Variants in MAPKAPK2 observed in about 807,000 individuals in gnomAD.
MAPKAPK2 encodes MAP kinase-activated protein kinase 2.
Under a neutral mutation model 48.8 loss-of-function variants are expected in MAPKAPK2, and 9 were observed. The observed-to-expected ratio is 0.18, with a 90% CI of 0.11 to 0.32. The LOEUF is 0.32. Ranked by LOEUF, MAPKAPK2 falls within the 10% of genes least tolerant of loss-of-function variation. The pLI, the probability that MAPKAPK2 is intolerant of heterozygous loss-of-function variation, is 1.00. For synonymous variants in MAPKAPK2, 202 were observed against 190.6 expected (o/e 1.06, Z -0.49); for missense variants, 331 against 498.3 (o/e 0.66, Z 3.20).
At position 206,704,551 on chromosome 1, in the gene MAPKAPK2, TTGA is replaced by T. The variant is rs1553428312; in HGVS notation, c.279+19047_279+19049del. ...CCTGAGGTCCAGGGTCGGGGAGGAC[TTGA>T]TGAGGGAATAAAACCAGCCGGCTCA... On this transcript the variant is annotated intron_variant, in intron 1 of 9. Transcript: ENST00000367103. This position sits in a 1 kb window ranked among gnomAD's most constrained non-coding sequence, Gnocchi z 4.3. Among the ~76,000 whole-genome samples the T allele has an allele frequency of 6.6e-6, 1 of 152,190 alleles. No individual in the cohort carries two copies. Among genetic ancestry groups the T allele is most frequent in the Admixed American group, 6.5e-5 (1 of 15,290 alleles).
chr1:206,727,758 G>T (rs530896038), intron 1 of MAPKAPK2, among the ~76,000 whole-genome samples: 2 of 152,230 alleles, frequency 1.3e-5, no homozygotes, highest in East Asian at 3.9e-4. Context: ...AGTAGCTGGG[G>T]CTACAGTCGC....
chr1:206,708,338 A>G (rs1168048234), intron 1 of MAPKAPK2, among the ~76,000 whole-genome samples: 1 of 152,158 alleles, frequency 6.6e-6, no homozygotes, highest in Non-Finnish European at 1.5e-5. Flanking sequence ...TCCTCCTCAC[A>G]ACTTTTTATT....
chr1:206,712,897 TGGA>T (rs1673199975), intron 1 of MAPKAPK2, among the ~76,000 whole-genome samples: 1 of 145,900 alleles, frequency 6.9e-6, no homozygotes, highest in South Asian at 2.2e-4. Context: ...ACCCGGGAGG[TGGA>T]GATTTCAGTG....
chr1:206,701,979 C>T (rs1204559343), intron 1 of MAPKAPK2, among the ~76,000 whole-genome samples: 2 of 152,076 alleles, frequency 1.3e-5, no homozygotes, highest in Admixed American at 1.3e-4. Flanking sequence ...TTCCTGGGCA[C>T]CACTCTTTGT....
intron 1 of MAPKAPK2, among the ~76,000 whole-genome samples, 185 bp downstream of exon 1, chr1:206,685,693 C>T (rs1247668963): frequency 6.7e-6 from 1 of 149,338 alleles, no homozygotes; most frequent in African/African-American, 2.4e-5. Flanking sequence ...GCGCCCTCGC[C>T]TCCCTGACCG....
In MAPKAPK2 at chr1:206,729,368, C is replaced by T. The variant is rs542438921; in HGVS notation, c.485-28C>T. 35 of 1,576,372 alleles carry T rather than the reference C, an allele frequency of 2.2e-5. No individual in the cohort carries two copies. In the African/African-American group the frequency reaches 4.0e-4, roughly 18 times the overall value. ...ATGATGTGTCTTTGTGACTTTCTTTCCCACTCACTCTTCCCTCCCCTCTAC... is the reference window on the plus strand; with the variant it reads ...ATGATGTGTCTTTGTGACTTTCTTTTCCACTCACTCTTCCCTCCCCTCTAC... On this transcript the variant is annotated intron_variant, in intron 3 of 9. Transcript: ENST00000367103.
chr1:206,689,539 T>G (rs1335948663), intron 1 of MAPKAPK2, among the ~76,000 whole-genome samples: 2 of 152,200 alleles, frequency 1.3e-5, no homozygotes, highest in African/African-American at 4.8e-5. Flanking sequence ...TTATATGCAA[T>G]ATGGTTACAG....
At chr1:206,698,616 T>A (rs1672703178) in intron 1 of MAPKAPK2, among the ~76,000 whole-genome samples, 1 of 152,232 alleles carries the variant, frequency 6.6e-6, no homozygotes, top group Non-Finnish European at 1.5e-5. Context: ...GCAGATACTA[T>A]GTATCAGGCA....
chr1:206,705,880 TGACTGGGAGGCTTTACTG>T (rs1435591403), intron 1 of MAPKAPK2, among the ~76,000 whole-genome samples: 3 of 152,098 alleles, frequency 2.0e-5, no homozygotes, highest in African/African-American at 7.2e-5. Context: ...TCCTGAGAAA[TGACTGGGAGGCTTTACTG>T]GATTTTTCGC....
intron 1 of MAPKAPK2, 137 bp from the exon 2 acceptor site, chr1:206,728,573 C>A: frequency 1.1e-6 from 1 of 921,418 alleles, no homozygotes; most frequent in Non-Finnish European, 1.6e-6. Context: ...GGAAATGTGC[C>A]AAGGGGGCTG....
In MAPKAPK2 at chr1:206,731,691, C is replaced by A. The variant is rs1673917289; in HGVS notation, c.944C>A (p.Thr315Asn). The A allele has an allele frequency of 6.2e-7, 1 of 1,614,152 alleles. No individual in the cohort carries two copies. Among genetic ancestry groups the A allele is most frequent in the Admixed American group, 1.7e-5 (1 of 60,022 alleles). ...AAAACAGAGCCCACCCAGAGAATGA[C>A]CATCACCGAGTTTATGAACCACCCT... ...LLKTEPTQRMTITEFMNHPWI... is the reference protein window; with the variant it reads ...LLKTEPTQRMNITEFMNHPWI... Residue 315 changes from threonine to asparagine, a missense_variant, in exon 8 of 10, where the codon ACC (threonine) becomes AAC (asparagine). By Grantham distance (65) the Thr-to-Asn change is moderately conservative. Transcript: ENST00000367103. The surrounding 1 kb of genome is among the most constrained non-coding windows in gnomAD (Gnocchi z 5.9).
intron 1 of MAPKAPK2, among the ~76,000 whole-genome samples, chr1:206,728,170 A>C (rs1673768659): frequency 6.6e-6 from 1 of 152,174 alleles, no homozygotes; most frequent in African/African-American, 2.4e-5. Context: ...CTGGATTCAT[A>C]CTGGCATCCG....
chr1:206,693,457 A>C (rs182233848), intron 1 of MAPKAPK2, among the ~76,000 whole-genome samples: 1 of 152,212 alleles, frequency 6.6e-6, no homozygotes, highest in East Asian at 1.9e-4. Context: ...CCAGGTGTCT[A>C]GATTTGTGTG....
chr1:206,725,076 C>G (rs2102410290), intron 1 of MAPKAPK2, among the ~76,000 whole-genome samples: 1 of 152,286 alleles, frequency 6.6e-6, no homozygotes, highest in East Asian at 1.9e-4. Context: ...GATTGCAAAG[C>G]CTAGGTTCAC....
chr1:206,718,365 A>G (rs1673401743), intron 1 of MAPKAPK2, among the ~76,000 whole-genome samples: 1 of 151,964 alleles, frequency 6.6e-6, no homozygotes, highest in Admixed American at 6.6e-5. Flanking sequence ...CCCTGTCTCT[A>G]CTAAAAAATA....
chr1:206,693,061 C>T (rs1303237357), intron 1 of MAPKAPK2, among the ~76,000 whole-genome samples: 8 of 152,170 alleles, frequency 5.3e-5, no homozygotes, highest in Non-Finnish European at 8.8e-5. Flanking sequence ...CACTTTCGTC[C>T]TCCGGCGGGG....
chr1:206,728,610 G>T, intron 1 of MAPKAPK2, 100 bp from the exon 2 acceptor site: 1 of 1,401,482 alleles, frequency 7.1e-7, no homozygotes, highest in Non-Finnish European at 9.7e-7. Flanking sequence ...GGAGTGGGGG[G>T]TTTGTGGTAT....
At chr1:206,697,198 G>T (rs1672656918) in intron 1 of MAPKAPK2, among the ~76,000 whole-genome samples, 1 of 152,214 alleles carries the variant, frequency 6.6e-6, no homozygotes, top group African/African-American at 2.4e-5. Context: ...TGTGGAGCTT[G>T]CCAACTTTCC....
At chr1:206,695,903 G>A (rs926279580) in intron 1 of MAPKAPK2, 8 of 610,590 alleles carry the variant, frequency 1.3e-5, no homozygotes, top group African/African-American at 1.9e-5. Flanking sequence ...CAATCTGTCC[G>A]ATCTTCATAC....
Sources: gnomAD v4.1 joint callset for allele counts (sites outside exome capture counted in the v4.1 genomes callset) on GRCh38, gnomAD v4.1.1 for gene constraint, Gnocchi (gnomAD v3.1) non-coding constraint, MANE v1.5 for transcripts, NCBI Gene and HGNC (gene_info 2026-07-23, HGNC 2026-07-21) for gene names.